SOX6: variants seen among roughly 807,000 people sequenced by gnomAD.
The protein encoded by SOX6 is transcription factor SOX-6.
SOX6 carries 11 observed loss-of-function variants against 97.8 expected under a neutral mutation model. The ratio of observed to expected loss-of-function variants is 0.11; its 90% CI spans 0.07 to 0.19. The LOEUF (loss-of-function observed/expected upper bound fraction) is 0.19. SOX6 is among the 10% of genes least tolerant of loss of function. The pLI, the probability that SOX6 is intolerant of heterozygous loss-of-function variation, is 1.00. For missense variants in SOX6, 810 were observed against 1,039.5 expected (o/e 0.78, Z 3.04); for synonymous variants, 360 against 371.4 (o/e 0.97, Z 0.35).
intron 3 of SOX6, among the ~76,000 whole-genome samples, chr11:16,681,753 G>C (rs1279018542): frequency 6.6e-6 from 1 of 152,052 alleles, no homozygotes; most frequent in Admixed American, 6.5e-5. Flanking sequence ...GAATCAAATA[G>C]AGACAATAAA....
chr11:16,413,688 T>C (rs2133058355), intron 1 of SOX6, among the ~76,000 whole-genome samples: 1 of 151,728 alleles, frequency 6.6e-6, no homozygotes, highest in East Asian at 1.9e-4. Flanking sequence ...GTCCAGCAAA[T>C]TTTTGTATTT....
intron 13 of SOX6, among the ~76,000 whole-genome samples, chr11:15,994,160 G>T (rs971746959): frequency 1.3e-5 from 2 of 152,184 alleles, no homozygotes; most frequent in African/African-American, 4.8e-5. Flanking sequence ...AATTACAAAC[G>T]ATGCTAACAG....
At chr11:16,559,026 A>G (rs996039588) in intron 4 of SOX6, among the ~76,000 whole-genome samples, 32 of 152,062 alleles carry the variant, frequency 2.1e-4, no homozygotes, top group African/African-American at 7.7e-4. Context: ...AATTTTTTCA[A>G]CATTAAAGAG....
chr11:16,251,111 T>A (rs1316956802), intron 3 of SOX6, among the ~76,000 whole-genome samples: 3 of 152,090 alleles, frequency 2.0e-5, no homozygotes, highest in African/African-American at 7.2e-5. Context: ...ATAATGAAAA[T>A]CTGACATCTC....
At chr11:16,384,617 T>A (rs1003937195) in intron 1 of SOX6, among the ~76,000 whole-genome samples, 3 of 151,838 alleles carry the variant, frequency 2.0e-5, no homozygotes, top group African/African-American at 7.2e-5. Flanking sequence ...TAAACAACTC[T>A]AGGAAAACAT....
intron 3 of SOX6, among the ~76,000 whole-genome samples, chr11:16,306,987 C>A (rs1043280555): frequency 6.6e-6 from 1 of 152,044 alleles, no homozygotes; most frequent in Non-Finnish European, 1.5e-5. Context: ...ACTCCAGGAA[C>A]CAAATTCTAA....
chr11:16,084,864 A>G (rs548253038), intron 9 of SOX6, among the ~76,000 whole-genome samples: 7 of 152,232 alleles, frequency 4.6e-5, no homozygotes, highest in Non-Finnish European at 1.0e-4. Flanking sequence ...AGGCAGAGGT[A>G]GATCTAAAAT....
chr11:16,226,317 T>G (rs1334786644), intron 4 of SOX6, among the ~76,000 whole-genome samples: 1 of 52,800 alleles, frequency 1.9e-5, no homozygotes, highest in Non-Finnish European at 4.0e-5. Flanking sequence ...CATAATTGTG[T>G]TTTTTTTGTT....
chr11:16,546,096 T>A (rs191541009), intron 4 of SOX6, among the ~76,000 whole-genome samples: 1 of 149,308 alleles, frequency 6.7e-6, no homozygotes, highest in East Asian at 2.0e-4. Context: ...GCAATCCTAT[T>A]TACAAAAGCA....
chr11:16,197,370 T>C (rs1179115380), intron 4 of SOX6, among the ~76,000 whole-genome samples: 2 of 152,190 alleles, frequency 1.3e-5, no homozygotes, highest in Non-Finnish European at 2.9e-5. Flanking sequence ...CCAATGAAAC[T>C]GACCGACAAG....
At chr11:16,261,190 T>C (rs1473497999) in intron 3 of SOX6, among the ~76,000 whole-genome samples, 2 of 152,130 alleles carry the variant, frequency 1.3e-5, no homozygotes, top group Admixed American at 6.6e-5. Context: ...GGCCAAGAAA[T>C]CCATCTGTCT....
chr11:16,278,533 A>G (rs1854465917), intron 3 of SOX6, among the ~76,000 whole-genome samples: 1 of 152,102 alleles, frequency 6.6e-6, no homozygotes, highest in Non-Finnish European at 1.5e-5. Flanking sequence ...ACAGGCCTTA[A>G]CTTGCACCTG....
chr11:16,587,249 G>A (rs1405242188), intron 4 of SOX6, among the ~76,000 whole-genome samples: 1 of 152,174 alleles, frequency 6.6e-6, no homozygotes, highest in African/African-American at 2.4e-5. Flanking sequence ...TTTAGATTTG[G>A]TTCTGCCATT....
chr11:16,079,670 T>C (rs1016914829), intron 9 of SOX6, among the ~76,000 whole-genome samples: 9 of 152,142 alleles, frequency 5.9e-5, no homozygotes, highest in African/African-American at 1.9e-4. Context: ...ATATAAAATA[T>C]CGTCTTCTTA....
chr11:16,571,859 G>A (rs1847943033), intron 4 of SOX6, among the ~76,000 whole-genome samples: 1 of 152,102 alleles, frequency 6.6e-6, no homozygotes, highest in Non-Finnish European at 1.5e-5. Context: ...CGCCATGTTG[G>A]CCAGGCTGGT....
intron 4 of SOX6, among the ~76,000 whole-genome samples, chr11:16,602,410 T>A (rs1848281226): frequency 2.6e-5 from 4 of 152,212 alleles, no homozygotes; most frequent in African/African-American, 9.7e-5. Context: ...TGATGCACAC[T>A]TGCTTTCAAA....
intron 12 of SOX6, among the ~76,000 whole-genome samples, chr11:16,022,353 T>TCCTTCCTA (rs1258982474): frequency 2.1e-5 from 3 of 144,986 alleles, no homozygotes; most frequent in Non-Finnish European, 4.5e-5. Flanking sequence ...CTTCCTTCCT[T>TCCTTCCTA]CCTTCCTTCC....
intron 1 of SOX6, among the ~76,000 whole-genome samples, chr11:16,345,381 C>T (rs1448537673): frequency 6.6e-6 from 1 of 151,948 alleles, no homozygotes; most frequent in East Asian, 1.9e-4. Context: ...AATGTCTCTG[C>T]CCAACAATCA....
chr11:16,642,110 A>T (rs1347606505), intron 3 of SOX6, among the ~76,000 whole-genome samples: 1 of 152,180 alleles, frequency 6.6e-6, no homozygotes, highest in East Asian at 1.9e-4. Flanking sequence ...TGGTGGTGAC[A>T]AAATCTCTCA....
Sources: allele counts gnomAD v4.1 joint callset (sites outside exome capture counted in the v4.1 genomes callset), GRCh38; gene constraint gnomAD v4.1.1; transcripts MANE v1.5; gene names NCBI Gene and HGNC (gene_info 2026-07-23, HGNC 2026-07-21).